The following KLF15 variants were observed in gnomAD, a reference collection of about 807,000 sequenced individuals.
KLF15 encodes the protein Krueppel-like factor 15.
In KLF15, 4 loss-of-function variants were observed where a neutral mutation model predicts 24.6. That is an observed-to-expected ratio of 0.16 (90% CI 0.08 to 0.37). The LOEUF is 0.37. KLF15 is among the 10% of genes least tolerant of loss of function. The pLI is 1.00. For missense variants in KLF15, 496 were observed against 560.6 expected (o/e 0.88, Z 1.16); for synonymous variants, 246 against 236.3 (o/e 1.04, Z -0.37).
the KLF15 span, among the ~76,000 whole-genome samples, chr3:126,330,668 G>C: frequency 2.6e-5 from 4 of 152,206 alleles, no homozygotes; most frequent in South Asian, 6.2e-4. Context: ...TGCCTTGAGA[G>C]ACTTAACAAG....
chr3:126,356,111 C>A lies in KLF15; in HGVS notation c.-26+1126G>T, dbSNP rs2082630398. On this transcript the variant is annotated intron_variant, in intron 1 of 2. Coordinates refer to ENST00000296233, the MANE Select transcript of KLF15 (RefSeq NM_014079.4). This position sits in a 1 kb window ranked among gnomAD's most constrained non-coding sequence, Gnocchi z 4.4. ...GGAACAACATGTAATTGATAACAAG[C>A]CCAGCGCCGGCCAAGGGCTTGCCAT... is the stretch of plus-strand genomic sequence containing the variant. 6.6e-6 allele frequency among the ~76,000 whole-genome samples: 1 copy of A among 152,188 alleles called. No individual in the cohort carries two copies. Among genetic ancestry groups the A allele is most frequent in the African/African-American group, 2.4e-5 (1 of 41,458 alleles).
the KLF15 span, among the ~76,000 whole-genome samples, chr3:126,308,554 C>T: frequency 1.3e-5 from 2 of 152,026 alleles, no homozygotes; most frequent in Non-Finnish European, 2.9e-5. Context: ...CCCTGGCGCT[C>T]GGGGGTTCTG....
In KLF15 at chr3:126,356,871, C is replaced by T. The variant is rs1275886024; in HGVS notation, c.-26+366G>A. Among the ~76,000 whole-genome samples the T allele has an allele frequency of 3.3e-5, 5 of 151,868 alleles. No homozygotes were observed. The highest frequency in any genetic ancestry group is 6.5e-5 in the Admixed American group (1 of 15,274). ...CGTCTCCAGCCCCTCCGCCCCCCAA[C>T]CCCGGGCTGGCCAGCGCGTCCGCTC... On this transcript the variant is annotated intron_variant, in intron 1 of 2. Transcript: ENST00000296233. The surrounding 1 kb of genome is among the most constrained non-coding windows in gnomAD (Gnocchi z 4.4).
At chr3:126,312,966 T>C in the KLF15 span, among the ~76,000 whole-genome samples, 2 of 152,188 alleles carry the variant, frequency 1.3e-5, no homozygotes, top group Non-Finnish European at 2.9e-5. Context: ...CCTCATCACA[T>C]AGAATTCAGG....
Position 126,356,169 on chromosome 3 carries a change from G to T in KLF15, c.-26+1068C>A, listed in dbSNP as rs1576591128. On this transcript the variant is annotated intron_variant, in intron 1 of 2. Transcript: ENST00000296233. This position sits in a 1 kb window ranked among gnomAD's most constrained non-coding sequence, Gnocchi z 4.4. The stretch of plus-strand genomic sequence containing the variant: ...GCGTGCAAATCACGGGGGTGGCGGC[G>T]GGGGCTGTCCTTCAAAATAAGAGTC... Among the ~76,000 whole-genome samples, 1 of 152,166 alleles carries T rather than the reference G, an allele frequency of 6.6e-6. No homozygotes were observed. The highest frequency in any genetic ancestry group is 1.5e-5 in the Non-Finnish European group (1 of 68,018).
At chr3:126,324,654 G>A in the KLF15 span, among the ~76,000 whole-genome samples, 1 of 143,040 alleles carries the variant, frequency 7.0e-6, no homozygotes, top group Admixed American at 7.0e-5. Flanking sequence ...TTCAAGTTAT[G>A]CATTCTTCTT....
the KLF15 span, among the ~76,000 whole-genome samples, chr3:126,305,010 T>C: frequency 2.6e-5 from 4 of 152,182 alleles, no homozygotes; most frequent in Non-Finnish European, 4.4e-5. Flanking sequence ...TAAGTTCTGG[T>C]AGATGGAAGT....
chr3:126,348,844 C>T (rs1348553779), intron 2 of KLF15, among the ~76,000 whole-genome samples: 1 of 152,182 alleles, frequency 6.6e-6, no homozygotes. Context: ...AACTGAAGCA[C>T]AGCAAAGTAC....
intron 1 of KLF15, among the ~76,000 whole-genome samples, chr3:126,353,715 C>T (rs1363752745): frequency 6.6e-6 from 1 of 152,228 alleles, no homozygotes; most frequent in Admixed American, 6.5e-5. Context: ...CTCTCCAGTC[C>T]TCAAACCCCT....
At chr3:126,351,753 A>G in intron 2 of KLF15, 88 bp downstream of exon 2, 6 of 1,345,858 alleles carry the variant, frequency 4.5e-6, no homozygotes, top group Non-Finnish European at 6.1e-6. Context: ...CCTTCTGTTA[A>G]TGGTGGAAAA....
At chr3:126,337,831 C>A (rs999373651), downstream of KLF15, among the ~76,000 whole-genome samples, 1 of 152,152 alleles carries the variant, frequency 6.6e-6, no homozygotes, top group Non-Finnish European at 1.5e-5. Flanking sequence ...GGGAGTCTGG[C>A]TCTAAATTCT....
chr3:126,301,709 G>A, the KLF15 span, among the ~76,000 whole-genome samples: 2 of 150,910 alleles, frequency 1.3e-5, no homozygotes, highest in Non-Finnish European at 2.9e-5. Context: ...CTGCCCCCGG[G>A]GTTCAAGCAA....
Position 126,356,865 on chromosome 3 carries a change from C to T in KLF15, c.-26+372G>A, listed in dbSNP as rs2082636738. ...CCCCTCCGTCTCCAGCCCCTCCGCC[C>T]CCCAACCCCGGGCTGGCCAGCGCGT... is the stretch of plus-strand genomic sequence containing the variant. On this transcript the variant is annotated intron_variant, in intron 1 of 2. Coordinates refer to ENST00000296233, the MANE Select transcript of KLF15 (RefSeq NM_014079.4). The surrounding 1 kb of genome is among the most constrained non-coding windows in gnomAD (Gnocchi z 4.4). 6.6e-6 allele frequency among the ~76,000 whole-genome samples: 1 copy of T among 151,978 alleles called. No individual in the cohort carries two copies. The highest frequency in any genetic ancestry group is 1.5e-5 in the Non-Finnish European group (1 of 67,976).
At position 126,354,573 on chromosome 3, in the gene KLF15, C is replaced by G. The variant is rs762711813; in HGVS notation, c.-25-1626G>C. Among the ~76,000 whole-genome samples, 50 of 152,318 alleles carry G rather than the reference C, an allele frequency of 3.3e-4. No individual in the cohort carries two copies. The Middle Eastern group carries it at 0.014, about 41-fold the overall frequency. On this transcript the variant is annotated intron_variant, in intron 1 of 2. Coordinates refer to ENST00000296233, the MANE Select transcript of KLF15 (RefSeq NM_014079.4). ...TTACCCAGGAAGCTTCACGGAGCTC[C>G]AGGAAACTAAGGCAAGGTCTGTGCC...
the KLF15 span, among the ~76,000 whole-genome samples, chr3:126,332,169 C>A: frequency 6.6e-6 from 1 of 152,012 alleles, no homozygotes; most frequent in African/African-American, 2.4e-5. Context: ...TTAAGTGTCC[C>A]TGTCTGACAG....
At chr3:126,305,143 C>T in the KLF15 span, among the ~76,000 whole-genome samples, 129 of 152,228 alleles carry the variant, frequency 8.5e-4, 2 homozygotes, top group Middle Eastern at 3.4e-3. Flanking sequence ...TTAGGCCACA[C>T]GATGAAAGCT....
At chr3:126,323,717 C>T in the KLF15 span, among the ~76,000 whole-genome samples, 81,428 of 81,740 alleles carry the variant, frequency 1, 40,569 homozygotes, top group Middle Eastern at 1. Flanking sequence ...TGTGTTCTCA[C>T]TGTTCAACTC....
Position 126,352,143 on chromosome 3 carries a change from G to A in KLF15, c.780C>T (p.Phe260=), listed in dbSNP as rs755498436. The part of the protein sequence containing the change: ...QLLVNIQGQT[F]ALVPQVVPSS... ...AGGGTACCACCTGGGGCACGAGTGC[G>A]AAGGTCTGCCCCTGGATGTTGACCA... Residue 260 remains phenylalanine, a synonymous_variant, in exon 2 of 3, where the codon TTC becomes TTT. Coordinates refer to ENST00000296233, the MANE Select transcript of KLF15 (RefSeq NM_014079.4). 3.6e-5 allele frequency: 56 copies of A among 1,570,956 alleles called. No individual in the cohort carries two copies. The highest frequency in any genetic ancestry group is 6.7e-5 in the African/African-American group (5 of 74,322).
the KLF15 span, among the ~76,000 whole-genome samples, chr3:126,322,117 C>CT: frequency 1.3e-5 from 2 of 152,166 alleles, no homozygotes; most frequent in African/African-American, 4.8e-5. Flanking sequence ...AAAGCTGAGG[C>CT]TTCAGGGACT....
Sources: gnomAD v4.1 joint callset for allele counts (sites outside exome capture counted in the v4.1 genomes callset) on GRCh38, gnomAD v4.1.1 for gene constraint, Gnocchi (gnomAD v3.1) non-coding constraint, MANE v1.5 for transcripts, NCBI Gene and HGNC (gene_info 2026-07-23, HGNC 2026-07-21) for gene names.